The following COL12A1 variants were observed in gnomAD, a reference collection of about 807,000 sequenced individuals.
COL12A1 encodes collagen type XII alpha 1 chain.
A neutral mutation model predicts 349.7 loss-of-function variants in COL12A1; 114 were observed. That is an observed-to-expected ratio of 0.33 (90% confidence interval 0.28 to 0.38). The LOEUF is 0.38. Among genes scored for constraint, COL12A1 ranks in the 10% least tolerant of loss-of-function variants. COL12A1 has a pLI of 1.00. For synonymous variants in COL12A1, 1,369 were observed against 1,329.0 expected (o/e 1.03, Z -0.66); for missense variants, 3,284 against 3,756.9 (o/e 0.87, Z 3.29).
intron 36 of COL12A1, among the ~76,000 whole-genome samples, chr6:75,130,456 T>C (rs1425920270): frequency 2.0e-5 from 3 of 152,140 alleles, no homozygotes; most frequent in African/African-American, 7.2e-5. Context: ...CTTTGAAAGG[T>C]AGACTAGGAA....
chr6:75,178,007 C>T (rs976629191), intron 11 of COL12A1, 72 bp from the exon 12 acceptor site: 6 of 1,376,054 alleles, frequency 4.4e-6, no homozygotes, highest in South Asian at 2.6e-5. Flanking sequence ...ACAAAAATTA[C>T]CTTTTTATTA....
intron 8 of COL12A1, among the ~76,000 whole-genome samples, chr6:75,186,353 A>C (rs1268261613): frequency 2.0e-5 from 3 of 152,318 alleles, no homozygotes; most frequent in Non-Finnish European, 4.4e-5. Flanking sequence ...TGTGGTCAAC[A>C]ATCATACAAA....
chr6:75,108,269 A>G (rs1245953391), intron 52 of COL12A1, among the ~76,000 whole-genome samples: 1 of 150,664 alleles, frequency 6.6e-6, no homozygotes. Context: ...TTTCTTTTTT[A>G]TAGAGACAGG....
At chr6:75,185,587 T>C (rs889275028) in intron 8 of COL12A1, among the ~76,000 whole-genome samples, 4 of 152,168 alleles carry the variant, frequency 2.6e-5, no homozygotes, top group African/African-American at 9.7e-5. Context: ...TAAACTACCA[T>C]TGAGATTCTT....
At chr6:75,133,690 G>A (rs887291146) in intron 33 of COL12A1, among the ~76,000 whole-genome samples, 168 bp downstream of exon 33, 1 of 152,060 alleles carries the variant, frequency 6.6e-6, no homozygotes, top group Non-Finnish European at 1.5e-5. Flanking sequence ...CAATCCCTCT[G>A]TTACCCAGGC....
At position 75,162,852 on chromosome 6, in the gene COL12A1, G is replaced by A. The variant is rs757449899; in HGVS notation, c.2983+2655C>T. On this transcript the variant is annotated intron_variant, in intron 14 of 65. Coordinates refer to ENST00000322507, the MANE Select transcript of COL12A1 (RefSeq NM_004370.6). ...CAACCCCATGAAAAAGTTGGCAAAG[G>A]ATATTAATGGACACTTCTCAAAAGA... 3.9e-5 allele frequency among the ~76,000 whole-genome samples: 6 copies of A among 152,066 alleles called. 1 individual carries two copies. Among genetic ancestry groups the A allele is most frequent in the Non-Finnish European group, 5.9e-5 (4 of 68,002 alleles).
chr6:75,133,806 A>G (rs1416512159), intron 33 of COL12A1, 52 bp downstream of exon 33: 2 of 1,598,654 alleles, frequency 1.3e-6, no homozygotes, highest in East Asian at 4.5e-5. Flanking sequence ...CTTTTAAATC[A>G]CTCAGCTACC....
At chr6:75,180,222 G>A (rs1173610957) in intron 11 of COL12A1, among the ~76,000 whole-genome samples, 2 of 152,176 alleles carry the variant, frequency 1.3e-5, no homozygotes, top group Admixed American at 1.3e-4. Context: ...GATCAACCTT[G>A]AGGACATTTA....
At chr6:75,122,668 G>A (rs780478887) in intron 43 of COL12A1, among the ~76,000 whole-genome samples, 15 of 152,032 alleles carry the variant, frequency 9.9e-5, no homozygotes, top group South Asian at 8.3e-4. Flanking sequence ...AAGTTGTAAC[G>A]TTCGACATCC....
At chr6:75,202,316 C>T (rs1346406548) in intron 2 of COL12A1, among the ~76,000 whole-genome samples, 3 of 152,234 alleles carry the variant, frequency 2.0e-5, no homozygotes, top group Admixed American at 6.5e-5. Context: ...TGGTTGGTTA[C>T]CAGCCAAGCG....
intron 65 of COL12A1, chr6:75,087,105 A>ATT (rs1187222128): frequency 6.4e-6 from 1 of 155,454 alleles, no homozygotes; most frequent in African/African-American, 2.4e-5. Context: ...TAAGTCCCAG[A>ATT]TTTTATAAAT....
At chr6:75,196,765 A>G (rs1232006812) in intron 2 of COL12A1, among the ~76,000 whole-genome samples, 1 of 152,240 alleles carries the variant, frequency 6.6e-6, no homozygotes. Flanking sequence ...TGGCCTGAGC[A>G]TGCTTTTAAA....
intron 1 of COL12A1, among the ~76,000 whole-genome samples, chr6:75,205,018 C>G (rs1263703649): frequency 6.6e-6 from 1 of 151,942 alleles, no homozygotes. Flanking sequence ...GGTACCTGTT[C>G]CGCTCGCTGA....
intron 17 of COL12A1, 106 bp downstream of exon 17, chr6:75,154,310 G>T: frequency 1.6e-6 from 2 of 1,249,002 alleles, no homozygotes; most frequent in Non-Finnish European, 2.1e-6. Context: ...ATAAATTTTA[G>T]TGTAAAATTT....
At position 75,152,259 on chromosome 6, in the gene COL12A1, A is replaced by G; in HGVS notation, c.3716-9T>C. 6.2e-7 allele frequency: 1 copy of G among 1,613,730 alleles called. No homozygotes were observed. Among genetic ancestry groups the G allele is most frequent in the South Asian group, 1.1e-5 (1 of 91,074 alleles). ...ACTATACTGAGCAAGAGCTAAAATG[A>G]CACCACTGGCATTAGTGCATGTGAA... On this transcript the variant is annotated splice_polypyrimidine_tract_variant and intron_variant, in intron 18 of 65. Transcript: ENST00000322507.
In COL12A1 at chr6:75,102,000, G is replaced by A. The variant is rs747581828; in HGVS notation, c.8468C>T (p.Thr2823Ile). Residue 2823 changes from threonine to isoleucine, a missense_variant and splice_region_variant, in exon 57 of 66, where the codon ACA becomes ATA. Thr to Ile is a moderately conservative substitution (Grantham distance 89). Transcript: ENST00000322507. ...DAGEPGLPGR[T>I]GTPGLPGPPG... Reference sequence around the variant, plus strand: ...AGGGCAACTTAGAGACCAACTCACTGTTCGGCCTGGAAGTCCTGGCTCTCC... The same window carrying A: ...AGGGCAACTTAGAGACCAACTCACTATTCGGCCTGGAAGTCCTGGCTCTCC... 2 of 1,614,038 alleles carry A rather than the reference G, an allele frequency of 1.2e-6. No homozygotes were observed. Among genetic ancestry groups the A allele is most frequent in the Non-Finnish European group, 8.5e-7 (1 of 1,180,026 alleles).
At chr6:75,142,266 C>A in intron 26 of COL12A1, 105 bp from the exon 27 acceptor site, 1 of 1,318,608 alleles carries the variant, frequency 7.6e-7, no homozygotes, top group Non-Finnish European at 1.1e-6. Context: ...AAATTGTGAT[C>A]AGAAAAGAGC....
chr6:75,091,534 T>C lies in COL12A1; in HGVS notation c.8650-9A>G. The C allele has an allele frequency of 6.2e-7, 1 of 1,610,430 alleles. No homozygotes were observed. Among genetic ancestry groups the C allele is most frequent in the Non-Finnish European group, 8.5e-7 (1 of 1,178,582 alleles). On this transcript the variant is annotated splice_polypyrimidine_tract_variant and intron_variant, in intron 60 of 65. Transcript: ENST00000322507. Reference sequence around the variant, plus strand: ...TTCAACCCAGATGGACCCTGAAAAATATGAATTACATACATTAGAAACTGA... The same window carrying C: ...TTCAACCCAGATGGACCCTGAAAAACATGAATTACATACATTAGAAACTGA...
At chr6:75,089,792 T>C (rs1260564493) in intron 63 of COL12A1, among the ~76,000 whole-genome samples, 2 of 152,224 alleles carry the variant, frequency 1.3e-5, no homozygotes, top group Non-Finnish European at 2.9e-5. Flanking sequence ...CAGTTGCTGC[T>C]CGACTCTTGC....
Sources: allele counts gnomAD v4.1 joint callset (sites outside exome capture counted in the v4.1 genomes callset), GRCh38; gene constraint gnomAD v4.1.1; transcripts MANE v1.5; gene names NCBI Gene and HGNC (gene_info 2026-07-23, HGNC 2026-07-21).